Variants in AGO3 observed in about 807,000 individuals in gnomAD.
AGO3 encodes the protein argonaute RISC catalytic component 3.
A neutral mutation model predicts 105.5 loss-of-function variants in AGO3; 16 were observed. That is an observed-to-expected ratio of 0.15 (90% CI 0.10 to 0.23). AGO3 has a LOEUF of 0.23. AGO3 is among the 10% of genes least tolerant of loss of function. The pLI is 1.00. For synonymous variants in AGO3, 340 were observed against 367.3 expected (o/e 0.93, Z 0.85); for missense variants, 534 against 1,088.0 (o/e 0.49, Z 7.16).
At chr1:36,011,767 A>C (rs1401503299) in intron 9 of AGO3, among the ~76,000 whole-genome samples, 3 of 152,224 alleles carry the variant, frequency 2.0e-5, no homozygotes, top group African/African-American at 7.2e-5. Context: ...CATTCTGTCT[A>C]CATCACTTAC....
intron 3 of AGO3, among the ~76,000 whole-genome samples, chr1:35,971,017 A>G (rs1646857808): frequency 7.0e-6 from 1 of 142,828 alleles, no homozygotes; most frequent in Non-Finnish European, 1.5e-5. Flanking sequence ...GTAAGCCACC[A>G]TACCCAGCCT....
chr1:36,016,596 AT>A (rs572086917), intron 11 of AGO3, among the ~76,000 whole-genome samples: 239 of 147,406 alleles, frequency 1.6e-3, no homozygotes, highest in Admixed American at 2.5e-3. Flanking sequence ...TATCCCCCCA[AT>A]TTTTTTTTTT....
intron 11 of AGO3, among the ~76,000 whole-genome samples, chr1:36,020,366 A>G (rs1000370881): frequency 2.0e-5 from 3 of 152,190 alleles, no homozygotes; most frequent in Non-Finnish European, 2.9e-5. Flanking sequence ...AATCTGGCCA[A>G]GTATTTTCTT....
At chr1:35,986,879 C>T (rs747219297) in intron 5 of AGO3, among the ~76,000 whole-genome samples, 4 of 151,792 alleles carry the variant, frequency 2.6e-5, no homozygotes, top group Non-Finnish European at 4.4e-5. Context: ...ATCTGTAATC[C>T]CAGCTACTTA....
chr1:35,977,277 T>C (rs1294636087), intron 5 of AGO3, among the ~76,000 whole-genome samples: 1 of 150,566 alleles, frequency 6.6e-6, no homozygotes, highest in East Asian at 1.9e-4. Context: ...AAAAAAAGTC[T>C]GTTCAGGCTG....
chr1:36,015,530 CT>C (rs1222503381), intron 11 of AGO3, among the ~76,000 whole-genome samples: 3 of 152,222 alleles, frequency 2.0e-5, no homozygotes, highest in Admixed American at 6.5e-5. Flanking sequence ...CCTGCCTTGC[CT>C]TTCTGGTGAC....
intron 5 of AGO3, chr1:35,983,392 T>G (rs1255284752): frequency 1.7e-4 from 22 of 128,276 alleles, no homozygotes; most frequent in African/African-American, 6.6e-4. Context: ...AACAACATAG[T>G]GAGACCTGAT....
intron 17 of AGO3, among the ~76,000 whole-genome samples, chr1:36,044,708 C>T (rs969639115): frequency 2.6e-5 from 4 of 152,246 alleles, no homozygotes; most frequent in South Asian, 2.1e-4. Context: ...TCCCAAAGTG[C>T]GGGGATTACA....
chr1:35,937,359 C>T (rs1011999581), intron 1 of AGO3, among the ~76,000 whole-genome samples: 10 of 149,974 alleles, frequency 6.7e-5, no homozygotes, highest in Admixed American at 1.3e-4. Flanking sequence ...GTTGAGGTCA[C>T]GGCATTGCAC....
rs1352842592 is a variant in AGO3, at chr1:36,006,318, A to C, written c.793+1843A>C. On this transcript the variant is annotated intron_variant, in intron 6 of 18. Transcript: ENST00000373191. ...TTCATCTTTTTCCAGTTGAACTTGT[A>C]CCTAAATATTTAATAATAACTTTGG... 4.6e-5 allele frequency among the ~76,000 whole-genome samples: 7 copies of C among 152,210 alleles called. 1 individual carries two copies. The South Asian group carries it at 1.4e-3, about 32-fold the overall frequency.
At chr1:35,951,802 G>A (rs941649603) in intron 2 of AGO3, among the ~76,000 whole-genome samples, 2 of 152,168 alleles carry the variant, frequency 1.3e-5, no homozygotes, top group African/African-American at 2.4e-5. Flanking sequence ...TCTGCTGTTA[G>A]GAATGTCATT....
intron 2 of AGO3, among the ~76,000 whole-genome samples, chr1:35,952,478 G>A (rs926884236): frequency 1.3e-5 from 2 of 152,020 alleles, no homozygotes; most frequent in Admixed American, 1.3e-4. Flanking sequence ...ATACCATGTG[G>A]CCTTTTGTGA....
chr1:36,004,129 A>G (rs1201451233), intron 5 of AGO3: 2 of 424,916 alleles, frequency 4.7e-6, no homozygotes, highest in East Asian at 7.1e-5. Context: ...TTACGATGAA[A>G]GAGATAGATT....
chr1:35,998,518 C>G lies in AGO3; in HGVS notation c.659-5823C>G, dbSNP rs74363409. Reference sequence around the variant, plus strand: ...TAAGTGACTTTATCAGTTTATATTCCTACAGTCTGAGAGCTTTCATTCTTC... The same window carrying G: ...TAAGTGACTTTATCAGTTTATATTCGTACAGTCTGAGAGCTTTCATTCTTC... On this transcript the variant is annotated intron_variant, in intron 5 of 18. Transcript: ENST00000373191. Among the ~76,000 whole-genome samples, 1,017 of 152,080 alleles carry G rather than the reference C, an allele frequency of 6.7e-3. 8 individuals carry two copies. The highest frequency in any genetic ancestry group is 0.023 in the African/African-American group (965 of 41,488).
At chr1:36,014,091 T>C in intron 11 of AGO3, 43 bp downstream of exon 11, 1 of 1,612,612 alleles carries the variant, frequency 6.2e-7, no homozygotes, top group Non-Finnish European at 8.5e-7. Flanking sequence ...TTTTTGTGTT[T>C]AGACTTTAAA....
chr1:36,014,025 G>A lies in AGO3; in HGVS notation c.1383G>A (p.Arg461=), dbSNP rs754991264. The A allele has an allele frequency of 6.2e-6, 10 of 1,614,156 alleles. No homozygotes were observed. The highest frequency in any genetic ancestry group is 8.5e-6 in the Non-Finnish European group (10 of 1,180,038). ...MWAIACFATQ[R]QCREEILKGF... ...CTATCGCTTGTTTTGCCACACAGAG[G>A]CAGTGCAGAGAAGAAATATTGAAGT... Residue 461 remains arginine, a synonymous_variant, in exon 11 of 19, where the codon AGG becomes AGA. Coordinates refer to ENST00000373191, the MANE Select transcript of AGO3 (RefSeq NM_024852.4).
chr1:36,031,381 C>T (rs1641766771), intron 12 of AGO3, among the ~76,000 whole-genome samples: 1 of 152,098 alleles, frequency 6.6e-6, no homozygotes, highest in Non-Finnish European at 1.5e-5. Context: ...TATCATTTTC[C>T]TTCTCTCTGG....
chr1:36,033,214 G>A (rs1641860345), intron 12 of AGO3, among the ~76,000 whole-genome samples: 1 of 151,910 alleles, frequency 6.6e-6, no homozygotes, highest in African/African-American at 2.4e-5. Flanking sequence ...GTGCACACCT[G>A]TAATCCCAGC....
intron 5 of AGO3, among the ~76,000 whole-genome samples, chr1:35,977,438 G>A (rs1646974356): frequency 6.8e-6 from 1 of 147,428 alleles, no homozygotes; most frequent in Non-Finnish European, 1.5e-5. Flanking sequence ...TGTCACCCAG[G>A]CTGGAGTGCA....
Sources: allele counts gnomAD v4.1 joint callset (sites outside exome capture counted in the v4.1 genomes callset), GRCh38; gene constraint gnomAD v4.1.1; transcripts MANE v1.5; gene names NCBI Gene and HGNC (gene_info 2026-07-23, HGNC 2026-07-21).